Variants in PDZD2 observed in about 807,000 individuals in gnomAD.
The protein encoded by PDZD2 is PDZ domain containing 2.
A neutral mutation model predicts 220.7 loss-of-function variants in PDZD2; 90 were observed. The ratio of observed to expected loss-of-function variants is 0.41; its 90% CI spans 0.34 to 0.49. The LOEUF (loss-of-function observed/expected upper bound fraction) is 0.49, where lower values mean the gene tolerates loss of function less well. Among genes scored for constraint, PDZD2 ranks in the 20% least tolerant of loss-of-function variants. The pLI is 0.28. For synonymous variants in PDZD2, 1,375 were observed against 1,450.5 expected (o/e 0.95, Z 1.18); for missense variants, 3,174 against 3,608.5 (o/e 0.88, Z 3.08).
intron 2 of PDZD2, among the ~76,000 whole-genome samples, chr5:31,949,737 A>G (rs1178027939): frequency 2.1e-5 from 3 of 144,724 alleles, no homozygotes; most frequent in Non-Finnish European, 4.5e-5. Flanking sequence ...TGGTGGTGCG[A>G]TCTCAGCTCA....
intron 1 of PDZD2, among the ~76,000 whole-genome samples, chr5:31,718,000 C>T (rs1051801445): frequency 4.6e-5 from 7 of 152,182 alleles, no homozygotes; most frequent in African/African-American, 1.7e-4. Flanking sequence ...TCCTAATTTC[C>T]CTTGGGGCCT....
intron 2 of PDZD2, among the ~76,000 whole-genome samples, chr5:31,977,785 C>A (rs1364970389): frequency 6.6e-6 from 1 of 152,108 alleles, no homozygotes; most frequent in Admixed American, 6.6e-5. Context: ...CCAGCCTGGC[C>A]AACATGGCAA....
chr5:32,054,890 A>G (rs977945975), intron 10 of PDZD2, among the ~76,000 whole-genome samples: 4 of 152,204 alleles, frequency 2.6e-5, no homozygotes, highest in African/African-American at 9.7e-5. Context: ...CAGAAAAGTG[A>G]CACTCAGAAA....
At chr5:32,106,649 G>A (rs1744793135) in intron 24 of PDZD2, 1 of 152,174 alleles carries the variant, frequency 6.6e-6, no homozygotes, top group Admixed American at 6.5e-5. Context: ...GGCTGTTCTG[G>A]TTGCCTGGAA....
chr5:31,946,521 G>A (rs116458136), intron 2 of PDZD2, among the ~76,000 whole-genome samples: 7 of 152,222 alleles, frequency 4.6e-5, no homozygotes, highest in African/African-American at 1.2e-4. Context: ...GCTCCCCGCC[G>A]CCATGTCAGA....
chr5:31,990,941 G>A (rs577578152), intron 3 of PDZD2, among the ~76,000 whole-genome samples: 5 of 152,308 alleles, frequency 3.3e-5, no homozygotes, highest in African/African-American at 1.2e-4. Flanking sequence ...TTTGAGCTGA[G>A]GATTGAGTGT....
At chr5:31,934,213 G>GAA (rs59271352) in intron 2 of PDZD2, among the ~76,000 whole-genome samples, 3 of 151,728 alleles carry the variant, frequency 2.0e-5, no homozygotes, top group African/African-American at 7.3e-5. Flanking sequence ...TCTTTTAAAA[G>GAA]AAAAAAAAGC....
intron 8 of PDZD2, 138 bp downstream of exon 8, chr5:32,048,822 C>A: frequency 1.3e-6 from 1 of 794,842 alleles, no homozygotes; most frequent in Non-Finnish European, 2.0e-6. Flanking sequence ...TGAGGTCTAC[C>A]CAGAGAGGCT....
intron 7 of PDZD2, among the ~76,000 whole-genome samples, chr5:32,038,325 C>G (rs1416866826): frequency 1.3e-5 from 2 of 150,612 alleles, no homozygotes; most frequent in Non-Finnish European, 2.9e-5. Context: ...GTCAGGAGAT[C>G]AAGGCTATCC....
rs1491491861 is a variant in PDZD2 at position 31,728,021 on chromosome 5, A to AAG, written c.-360-70868_-360-70867insAG. Among the ~76,000 whole-genome samples, 1,235 of 148,502 alleles carry AAG rather than the reference A, an allele frequency of 8.3e-3. 18 individuals are homozygous for AAG. Among genetic ancestry groups the AAG allele is most frequent in the African/African-American group, 0.028 (1,151 of 40,414 alleles). On this transcript the variant is annotated intron_variant, in intron 1 of 24. Coordinates refer to ENST00000438447, the MANE Select transcript of PDZD2 (RefSeq NM_178140.4). ...CTGTCTCAAAAAAAAAAAAAAAAAA[A>AAG]GATCAGGCAGAAGACCGTCGCTGAC...
At chr5:31,951,734 G>C (rs143007476) in intron 2 of PDZD2, among the ~76,000 whole-genome samples, 1 of 152,290 alleles carries the variant, frequency 6.6e-6, no homozygotes. Context: ...TGAAAGAGAG[G>C]TTTTGTGCCC....
intron 2 of PDZD2, among the ~76,000 whole-genome samples, chr5:31,907,912 G>A (rs912242022): frequency 2.2e-4 from 34 of 151,786 alleles, no homozygotes; most frequent in African/African-American, 7.7e-4. Flanking sequence ...GTGAAACCCC[G>A]TCTTTACTAA....
intron 23 of PDZD2, chr5:32,100,834 G>A (rs1043931161): frequency 7.0e-7 from 1 of 1,421,950 alleles, no homozygotes; most frequent in East Asian, 2.9e-5. Context: ...TTCTGCTTGG[G>A]CATAAAAGCA....
At chr5:31,915,146 A>T (rs559159178) in intron 2 of PDZD2, among the ~76,000 whole-genome samples, 2 of 152,268 alleles carry the variant, frequency 1.3e-5, no homozygotes, top group East Asian at 3.9e-4. Context: ...GCTGCAAAGG[A>T]ATACTGGGAC....
intron 2 of PDZD2, among the ~76,000 whole-genome samples, chr5:31,912,327 C>T (rs576995543): frequency 6.7e-6 from 1 of 150,168 alleles, no homozygotes; most frequent in African/African-American, 2.5e-5. Context: ...GGACACTAAT[C>T]CCACTCATGA....
chr5:32,107,447 C>T (rs1042543731), intron 24 of PDZD2: 11 of 152,334 alleles, frequency 7.2e-5, no homozygotes, highest in African/African-American at 2.7e-4. Flanking sequence ...GTAGCAGCTA[C>T]TCTGAAGGCT....
intron 2 of PDZD2, among the ~76,000 whole-genome samples, chr5:31,962,213 CCA>C (rs1018871722): frequency 2.0e-5 from 3 of 152,164 alleles, no homozygotes; most frequent in Admixed American, 6.5e-5. Context: ...TTGACATTTT[CCA>C]CAGATCTGCT....
Position 32,089,848 on chromosome 5 carries a change from C to A in PDZD2, c.6400C>A (p.Arg2134Ser). The A allele has an allele frequency of 6.2e-7, 1 of 1,613,282 alleles. No homozygotes were observed. Among genetic ancestry groups the A allele is most frequent in the East Asian group, 2.2e-5 (1 of 44,844 alleles). ...CQEKSEIRLY[R>S]QVAESSTSHP... ...GGAGAAGAGTGAAATCAGGCTCTATCGCCAGGTCGCAGAATCATCCACAAG... is the reference window on the plus strand; with the variant it reads ...GGAGAAGAGTGAAATCAGGCTCTATAGCCAGGTCGCAGAATCATCCACAAG... The change falls in exon 20 of 25, where the codon CGC becomes AGC. Residue 2134 changes from arginine (R) to serine (S), a missense_variant. Around this residue, in one of 4 missense-constraint regions of PDZD2, gnomAD observed 1,861 missense variants for 2,001.0 expected, o/e 0.93. Transcript: ENST00000438447.
intron 1 of PDZD2, among the ~76,000 whole-genome samples, chr5:31,688,553 G>A (rs1205417098): frequency 6.6e-6 from 1 of 152,102 alleles, no homozygotes; most frequent in Admixed American, 6.6e-5. Flanking sequence ...ATTGTCCTAC[G>A]AGGTGACTCA....
Sources: allele counts gnomAD v4.1 joint callset (sites outside exome capture counted in the v4.1 genomes callset), GRCh38; gene constraint gnomAD v4.1.1; regional missense constraint gnomAD v4.1.1; transcripts MANE v1.5; gene names NCBI Gene and HGNC (gene_info 2026-07-23, HGNC 2026-07-21).